The following YIPF6 variants were observed in gnomAD, a reference collection of about 807,000 sequenced individuals.
The protein encoded by YIPF6 is Yip1 domain family member 6.
Under a neutral mutation model 16.8 loss-of-function variants are expected in YIPF6, and 3 were observed. That is an observed-to-expected ratio of 0.18 (90% CI 0.08 to 0.46). The LOEUF (loss-of-function observed/expected upper bound fraction) is 0.46. Ranked by LOEUF, YIPF6 falls within the 20% of genes least tolerant of loss-of-function variation. The pLI is 0.98. For synonymous variants in YIPF6, 67 were observed against 61.9 expected (o/e 1.08, Z -0.38); for missense variants, 145 against 184.9 (o/e 0.78, Z 1.25).
intron 1 of YIPF6, among the ~76,000 whole-genome samples, chrX:68,503,327 A>G (rs1047927427): frequency 3.6e-5 from 4 of 111,315 alleles, no homozygotes; most frequent in Non-Finnish European, 7.5e-5. Context: ...TGTTCCCCTT[A>G]CTGGCCCAAG....
chrX:68,533,414 T>C lies in YIPF6; in HGVS notation c.*1415T>C, dbSNP rs1309345728. The C allele has an allele frequency of 2.7e-5, 3 of 112,003 alleles. No homozygotes were observed. The East Asian group carries it at 8.4e-4, about 31-fold the overall frequency. 9.2% of individuals were successfully genotyped at this position (112,003 alleles called of 1,213,427 possible). On this transcript the variant is annotated 3_prime_UTR_variant, in exon 7 of 7. Transcript: ENST00000462683. ...TTAGGTGTCAGGCAGAAAACACTCATTGTAAATATACTATTAGTTGATAAA... is the reference window on the plus strand; with the variant it reads ...TTAGGTGTCAGGCAGAAAACACTCACTGTAAATATACTATTAGTTGATAAA...
intron 1 of YIPF6, among the ~76,000 whole-genome samples, chrX:68,501,724 G>A (rs2079041839): frequency 1.8e-5 from 2 of 112,142 alleles, no homozygotes; most frequent in South Asian, 7.4e-4. Context: ...GAAGGTGCTA[G>A]TATATTTATA....
chrX:68,514,920 C>G (rs2079095507), intron 3 of YIPF6: 1 of 112,286 alleles, frequency 8.9e-6, no homozygotes, highest in Non-Finnish European at 1.9e-5. Flanking sequence ...CTCCTGGGCT[C>G]AAGCAGTCCT....
chrX:68,527,969 A>T (rs12014975), intron 6 of YIPF6, among the ~76,000 whole-genome samples: 11,168 of 111,029 alleles, frequency 0.1, 1,224 homozygotes, highest in African/African-American at 0.33. Context: ...ATGTATATTC[A>T]GTTGATTTGG....
chrX:68,509,358 G>A (rs749017692), intron 1 of YIPF6, among the ~76,000 whole-genome samples: 1 of 110,701 alleles, frequency 9.0e-6, no homozygotes, highest in Non-Finnish European at 1.9e-5. Flanking sequence ...AGCATCAAGC[G>A]ATTCTCCTAC....
Position 68,533,644 on chromosome X carries a change from G to A in YIPF6, c.*1645G>A, listed in dbSNP as rs1368445228. On this transcript the variant is annotated 3_prime_UTR_variant, in exon 7 of 7. Coordinates refer to ENST00000462683, the MANE Select transcript of YIPF6 (RefSeq NM_173834.4). ...TACAAAGTGGGTCCCCTTGGTTCCA[G>A]CCTTGTCCAGAGTTTTTGGTTATAT... is the stretch of plus-strand genomic sequence containing the variant. The A allele has an allele frequency of 2.7e-5, 3 of 111,523 alleles. No homozygotes were observed. The highest frequency in any genetic ancestry group is 5.6e-4 in the East Asian group (2 of 3,563). 9.2% of individuals were successfully genotyped at this position (111,523 alleles called of 1,213,427 possible). A position where few individuals can be genotyped will look rare whatever the true frequency, so the allele number is the denominator to read the frequency against.
chrX:68,502,667 T>C (rs200740663), intron 1 of YIPF6, among the ~76,000 whole-genome samples: 2 of 111,421 alleles, frequency 1.8e-5, no homozygotes, highest in East Asian at 5.6e-4. Context: ...CAACAGGCAG[T>C]TGGACTTTAA....
chrX:68,516,047 C>T (rs746735290), intron 3 of YIPF6, among the ~76,000 whole-genome samples: 2 of 110,985 alleles, frequency 1.8e-5, no homozygotes, highest in African/African-American at 3.3e-5. Flanking sequence ...CGCTTGAACC[C>T]GGGAGGTGGA....
chrX:68,514,037 C>A (rs1266860986), intron 3 of YIPF6: 1 of 107,316 alleles, frequency 9.3e-6, no homozygotes, highest in Non-Finnish European at 1.9e-5. Flanking sequence ...TTGAGACCAG[C>A]CTGGGCAACA....
At chrX:68,516,037 C>T (rs1205069850) in intron 3 of YIPF6, among the ~76,000 whole-genome samples, 2 of 111,016 alleles carry the variant, frequency 1.8e-5, no homozygotes, top group Non-Finnish European at 3.8e-5. Context: ...GCGGAAGAAT[C>T]GCTTGAACCC....
At position 68,533,034 on chromosome X, in the gene YIPF6, A is replaced by G. The variant is rs1453752439; in HGVS notation, c.*1035A>G. On this transcript the variant is annotated 3_prime_UTR_variant, in exon 7 of 7. Transcript: ENST00000462683. ...GATTTAGTGTTCTGATGGCTGATTA[A>G]TAGAACAGCTAGATACTTAGAGCAT... 8.9e-6 allele frequency: 1 copy of G among 112,349 alleles called. No homozygotes were observed. Among genetic ancestry groups the G allele is most frequent in the Non-Finnish European group, 1.9e-5 (1 of 53,311 alleles). The allele number at this position is 112,349 out of a possible 1,213,427, so 9.3% of individuals were successfully genotyped here. A position where few individuals can be genotyped will look rare whatever the true frequency, so the allele number is the denominator to read the frequency against.
chrX:68,509,272 C>T (rs1353067575), intron 1 of YIPF6, among the ~76,000 whole-genome samples: 1 of 109,960 alleles, frequency 9.1e-6, no homozygotes, highest in Admixed American at 9.8e-5. Context: ...TGCCACCATG[C>T]CCAACTAATT....
intron 1 of YIPF6, among the ~76,000 whole-genome samples, chrX:68,501,478 C>G (rs187487514): frequency 1.8e-5 from 2 of 111,889 alleles, no homozygotes; most frequent in Non-Finnish European, 3.8e-5. Context: ...TGGCTTTTAA[C>G]TACATTTTAT....
At chrX:68,504,085 TAC>T (rs2079051179) in intron 1 of YIPF6, among the ~76,000 whole-genome samples, 1 of 112,050 alleles carries the variant, frequency 8.9e-6, no homozygotes, top group African/African-American at 3.2e-5. Flanking sequence ...TACTTAAAAT[TAC>T]AGTTTTATTA....
At chrX:68,506,827 G>A (rs1198677841) in intron 1 of YIPF6, among the ~76,000 whole-genome samples, 1 of 111,209 alleles carries the variant, frequency 9.0e-6, no homozygotes, top group African/African-American at 3.3e-5. Flanking sequence ...CATAGCACCC[G>A]CAGCCTTCAA....
In YIPF6 at chrX:68,521,645, C is replaced by A. The variant is rs773577271; in HGVS notation, c.434+148C>A. The A allele has an allele frequency of 4.9e-5, 27 of 553,416 alleles. No individual in the cohort carries two copies. In the East Asian group the frequency reaches 9.6e-4, roughly 20 times the overall value. The allele number at this position is 553,416 out of a possible 1,213,427, so 45.6% of individuals were successfully genotyped here. A position where few individuals can be genotyped will look rare whatever the true frequency, so the allele number is the denominator to read the frequency against. On this transcript the variant is annotated intron_variant, in intron 5 of 6. Transcript: ENST00000462683. The stretch of plus-strand genomic sequence containing the variant: ...CTCGAGTGCATTGGTGTGATCATGG[C>A]TTACTGCAGCCTCTATCTCCCAGGC...
At chrX:68,501,080 T>C (rs1459065673) in intron 1 of YIPF6, among the ~76,000 whole-genome samples, 1 of 112,062 alleles carries the variant, frequency 8.9e-6, no homozygotes, top group African/African-American at 3.2e-5. Flanking sequence ...TCCGCTTCCA[T>C]TCAACAAATG....
At chrX:68,516,285 T>C (rs1241310180) in intron 3 of YIPF6, among the ~76,000 whole-genome samples, 1 of 111,882 alleles carries the variant, frequency 8.9e-6, no homozygotes, top group Non-Finnish European at 1.9e-5. Context: ...TTTTTGTCAT[T>C]ATCAAGTAGA....
chrX:68,500,052 G>A (rs1425481095), intron 1 of YIPF6, among the ~76,000 whole-genome samples: 1 of 112,351 alleles, frequency 8.9e-6, no homozygotes, highest in Non-Finnish European at 1.9e-5. Context: ...AACTTTACTT[G>A]GGATGGAATC....
Sources: gnomAD v4.1 joint callset for allele counts (sites outside exome capture counted in the v4.1 genomes callset) on GRCh38, gnomAD v4.1.1 for gene constraint, MANE v1.5 for transcripts, NCBI Gene and HGNC (gene_info 2026-07-23, HGNC 2026-07-21) for gene names.